Variants in TFG observed in about 807,000 individuals in gnomAD.
The protein encoded by TFG is trafficking from ER to golgi regulator.
TFG carries 22 observed loss-of-function variants against 51.4 expected under a neutral mutation model. That is an observed-to-expected ratio of 0.43 (90% CI 0.31 to 0.61). The LOEUF (loss-of-function observed/expected upper bound fraction) is 0.61, where lower values mean the gene tolerates loss of function less well. TFG is among the 20% of genes least tolerant of loss of function. The probability of loss-of-function intolerance (pLI) is 0.12; values close to 1 mark genes in which losing one functional copy is unlikely to be tolerated. For synonymous variants in TFG, 187 were observed against 165.6 expected (o/e 1.13, Z -0.99); for missense variants, 419 against 487.7 (o/e 0.86, Z 1.33).
intron 4 of TFG, among the ~76,000 whole-genome samples, chr3:100,729,582 CTTATT>C (rs1322303755): frequency 3.3e-4 from 50 of 151,510 alleles, no homozygotes; most frequent in African/African-American, 1.1e-3. Context: ...AAAGAAAACT[CTTATT>C]ATTATTTTTT....
At chr3:100,709,948 C>T (rs1198210260) in intron 1 of TFG, 2 of 42,478 alleles carry the variant, frequency 4.7e-5, no homozygotes, top group African/African-American at 2.1e-4. Flanking sequence ...AGGGAGGTCG[C>T]GGAGGGGGAG....
At chr3:100,721,719 G>A (rs1009373614) in intron 3 of TFG, among the ~76,000 whole-genome samples, 9 of 152,180 alleles carry the variant, frequency 5.9e-5, no homozygotes, top group Admixed American at 4.6e-4. Context: ...AGACAAAACC[G>A]TAAGACACAT....
intron 6 of TFG, chr3:100,742,368 T>C (rs1218111033): frequency 6.6e-6 from 1 of 152,154 alleles, no homozygotes; most frequent in Non-Finnish European, 1.5e-5. Flanking sequence ...GACTTCTAGA[T>C]AAAGACTAAA....
chr3:100,720,954 T>C (rs1429999013), intron 3 of TFG, among the ~76,000 whole-genome samples: 1 of 152,218 alleles, frequency 6.6e-6, no homozygotes, highest in Non-Finnish European at 1.5e-5. Context: ...TTTTTAATTT[T>C]GTTGCATGAA....
At chr3:100,747,143 A>G (rs1045771979) in intron 7 of TFG, among the ~76,000 whole-genome samples, 4 of 152,180 alleles carry the variant, frequency 2.6e-5, no homozygotes, top group African/African-American at 9.7e-5. Context: ...AGATATGGAA[A>G]TAGTCAACTA....
intron 2 of TFG, 22 bp downstream of exon 2, chr3:100,713,891 T>A: frequency 7.3e-7 from 1 of 1,362,108 alleles, no homozygotes; most frequent in Non-Finnish European, 9.8e-7. Context: ...TTTAAAGCTA[T>A]TTTTTAAAGT....
At chr3:100,740,184 A>G (rs948753633) in intron 6 of TFG, among the ~76,000 whole-genome samples, 8 of 152,190 alleles carry the variant, frequency 5.3e-5, no homozygotes, top group Admixed American at 2.0e-4. Flanking sequence ...CTGTGTAACT[A>G]TTATCCCAAA....
intron 3 of TFG, among the ~76,000 whole-genome samples, chr3:100,726,217 G>T (rs1347012663): frequency 1.3e-5 from 2 of 152,194 alleles, no homozygotes; most frequent in African/African-American, 4.8e-5. Flanking sequence ...ATGTCCAAGG[G>T]CAGGAGGAGT....
chr3:100,735,508 G>A (rs144387996), intron 5 of TFG, among the ~76,000 whole-genome samples: 104 of 152,254 alleles, frequency 6.8e-4, no homozygotes, highest in African/African-American at 2.4e-3. Context: ...GTACAGATGA[G>A]GAAACTGAGG....
chr3:100,728,306 G>A (rs1270772445), intron 3 of TFG, among the ~76,000 whole-genome samples: 1 of 151,410 alleles, frequency 6.6e-6, no homozygotes, highest in African/African-American at 2.4e-5. Flanking sequence ...GAAATAAAAT[G>A]AGCTTTTTAA....
At chr3:100,736,843 A>G in intron 6 of TFG, 127 bp downstream of exon 6, 1 of 1,022,944 alleles carries the variant, frequency 9.8e-7, no homozygotes, top group Non-Finnish European at 1.4e-6. Context: ...ATTTACTGAC[A>G]TGATTTGATG....
At chr3:100,735,265 A>G (rs149539646) in intron 5 of TFG, among the ~76,000 whole-genome samples, 1 of 152,322 alleles carries the variant, frequency 6.6e-6, no homozygotes, top group African/African-American at 2.4e-5. Flanking sequence ...TCAGCTGTCA[A>G]CTGTGCCTAA....
intron 7 of TFG, among the ~76,000 whole-genome samples, chr3:100,746,570 C>G (rs1267769179): frequency 6.6e-6 from 1 of 151,686 alleles, no homozygotes; most frequent in Non-Finnish European, 1.5e-5. Context: ...ATGTCCTTCA[C>G]CTAAAGTTAT....
At chr3:100,727,840 T>C (rs1424833151) in intron 3 of TFG, among the ~76,000 whole-genome samples, 2 of 152,202 alleles carry the variant, frequency 1.3e-5, no homozygotes, top group Non-Finnish European at 2.9e-5. Context: ...ATATTTATTT[T>C]TTAAAATTTT....
rs1576379547 is a variant in TFG at position 100,744,852 on chromosome 3, C to T, written c.741C>T (p.Tyr247=). 2 of 1,613,116 alleles carry T rather than the reference C, an allele frequency of 1.2e-6. No homozygotes were observed. Among genetic ancestry groups the T allele is most frequent in the Admixed American group, 1.7e-5 (1 of 59,974 alleles). Residue 247 remains tyrosine (Y), a synonymous_variant, in exon 7 of 8, where the codon TAC becomes TAT. Transcript: ENST00000240851. ...GQIEGQMYQQ[Y]QQQAGYGAQQ... Reference sequence around the variant, plus strand: ...TTTCAGGTCAGATGTACCAACAGTACCAGCAACAGGCCGGCTATGGTGCAC... The same window carrying T: ...TTTCAGGTCAGATGTACCAACAGTATCAGCAACAGGCCGGCTATGGTGCAC...
Position 100,729,092 on chromosome 3 carries a change from C to T in TFG, c.415+234C>T, listed in dbSNP as rs574283910. Among the ~76,000 whole-genome samples, 4 of 152,174 alleles carry T rather than the reference C, an allele frequency of 2.6e-5. No homozygotes were observed. In the South Asian group the frequency reaches 8.3e-4, roughly 31 times the overall value. On this transcript the variant is annotated intron_variant, in intron 4 of 7. Transcript: ENST00000240851. The stretch of plus-strand genomic sequence containing the variant: ...TCATCATAGACCTACTGGAGCGTAG[C>T]ACCTGGAAATCCCATTTTTAAAGTG...
At chr3:100,729,917 G>A (rs1262303763) in intron 4 of TFG, among the ~76,000 whole-genome samples, 2 of 151,990 alleles carry the variant, frequency 1.3e-5, no homozygotes, top group East Asian at 3.9e-4. Flanking sequence ...ATTATTCCTA[G>A]TTGCACTTCT....
In TFG at chr3:100,728,780, C is replaced by A. The variant is rs764959531; in HGVS notation, c.337C>A (p.Arg113=). Residue 113 remains arginine, a synonymous_variant, in exon 4 of 8, where the codon CGA becomes AGA. Coordinates refer to ENST00000240851, the MANE Select transcript of TFG (RefSeq NM_006070.6). ...KYLRRELIEL[R]NKVNRLLDSL... is the part of the protein sequence containing the mutation. ...TCTCCGTCGAGAACTGATAGAACTT[C>A]GAAATAAAGTGAATCGTTTATTGGA... 48 of 1,612,832 alleles carry A rather than the reference C, an allele frequency of 3.0e-5. No homozygotes were observed. Among genetic ancestry groups the A allele is most frequent in the Non-Finnish European group, 4.0e-5 (47 of 1,179,452 alleles).
Position 100,723,768 on chromosome 3 carries a change from C to T in TFG, c.268+3710C>T, listed in dbSNP as rs540343777. 1.1e-4 allele frequency among the ~76,000 whole-genome samples: 16 copies of T among 150,908 alleles called. No individual in the cohort carries two copies. In the South Asian group the frequency reaches 2.9e-3, roughly 28 times the overall value. ...AATAAATTTACAATTATGGGAGAGC[C>T]GATAAATCAAGCAGGCTCAAACAGC... is the stretch of plus-strand genomic sequence containing the variant. On this transcript the variant is annotated intron_variant, in intron 3 of 7. Transcript: ENST00000240851.
Sources: gnomAD v4.1 joint callset for allele counts (sites outside exome capture counted in the v4.1 genomes callset) on GRCh38, gnomAD v4.1.1 for gene constraint, MANE v1.5 for transcripts, NCBI Gene and HGNC (gene_info 2026-07-23, HGNC 2026-07-21) for gene names.